The following ADPRHL1 variants were observed in gnomAD, a reference collection of about 807,000 sequenced individuals.
ADPRHL1 encodes the protein ADP-ribosylhydrolase like 1, also known as inactive ADP-ribosyltransferase ARH2.
Under a neutral mutation model 44.1 loss-of-function variants are expected in ADPRHL1, and 43 were observed. The observed-to-expected ratio is 0.98, with a 90% CI of 0.76 to 1.26. The LOEUF (loss-of-function observed/expected upper bound fraction) is 1.26, where lower values mean the gene tolerates loss of function less well. Among genes scored for constraint, ADPRHL1 ranks in the 50% most tolerant of loss-of-function variants. The probability of loss-of-function intolerance (pLI) is 0.00; values close to 1 mark genes in which losing one functional copy is unlikely to be tolerated. For missense variants in ADPRHL1, 2,022 were observed against 2,496.9 expected (o/e 0.81, Z 4.05); for synonymous variants, 878 against 1,017.4 (o/e 0.86, Z 2.61).
At position 113,409,950 on chromosome 13, in the gene ADPRHL1, T is replaced by C. The variant is rs1440360335; in HGVS notation, c.1062-1730A>G. 1 of 983,800 alleles carries C rather than the reference T, an allele frequency of 1.0e-6. No individual in the cohort carries two copies. The highest frequency in any genetic ancestry group is 1.2e-6 in the Non-Finnish European group (1 of 829,568). The allele number at this position is 983,800 out of a possible 1,614,324, so 60.9% of individuals were successfully genotyped here. A position where few individuals can be genotyped will look rare whatever the true frequency, so the allele number is the denominator to read the frequency against. ...GCTGAAAAGAGACCGGAAGGAAATG[T>C]GTGAACATACTTCTCTTTTTGTGTT... On this transcript the variant is annotated intron_variant, in intron 7 of 7. Transcript: ENST00000612156. This position sits in a 1 kb window ranked among gnomAD's most constrained non-coding sequence, Gnocchi z 4.2.
rs547944523 is a variant in ADPRHL1 at position 113,406,193 on chromosome 13, G to A, written c.3089C>T (p.Pro1030Leu). Residue 1030 changes from proline to leucine, a missense_variant, in exon 8 of 8, where the codon CCG (proline) becomes CTG (leucine). Pro to Leu is a moderately conservative substitution (Grantham distance 98). This residue lies in a region of ADPRHL1 where 1,221 missense variants were observed against 1,517.8 expected (regional missense o/e 0.80). Coordinates refer to ENST00000612156, the MANE Select transcript of ADPRHL1 (RefSeq NM_001394807.1). The stretch of plus-strand genomic sequence containing the variant: ...GGCTCCTGTTGGGTTTCTCCCAGTC[G>A]GGGACGGCACTTGCTGGCTGCTGGA... ...HASSSQQVPSPTGRNPTGAPT... is the reference protein window; with the variant it reads ...HASSSQQVPSLTGRNPTGAPT... The A allele has an allele frequency of 1.0e-4, 123 of 1,232,162 alleles. No homozygotes were observed. In the African/African-American group the frequency reaches 1.4e-3, roughly 14 times the overall value. 76.3% of individuals were successfully genotyped at this position (1,232,162 alleles called of 1,614,324 possible). A position where few individuals can be genotyped will look rare whatever the true frequency, so the allele number is the denominator to read the frequency against.
rs1474144883 is a variant in ADPRHL1, at chr13:113,444,487, C to A, written c.317G>T (p.Gly106Val). ...GTTATTGGGCTTTAGCTGAGCACAG[C>A]CTTCAATGGTAGCTGGGTCTGGCCG... is the stretch of plus-strand genomic sequence containing the variant. ...ERRPDPATIE[G>V]CAQLKPNNYL... The change falls in exon 2 of 8, where the codon GGC (glycine) becomes GTC (valine). Residue 106 changes from glycine to valine, a missense_variant. Physicochemically the swap from Gly to Val is moderately radical, Grantham distance 109 (BLOSUM62 -3). Coordinates refer to ENST00000612156, the MANE Select transcript of ADPRHL1 (RefSeq NM_001394807.1). 3.7e-6 allele frequency: 6 copies of A among 1,614,178 alleles called. No homozygotes were observed. Among genetic ancestry groups the A allele is most frequent in the Non-Finnish European group, 5.1e-6 (6 of 1,180,028 alleles).
chr13:113,407,197 A>C lies in ADPRHL1; in HGVS notation c.2085T>G (p.Ala695=). The change falls in exon 8 of 8, where the codon GCT becomes GCG. Residue 695 remains alanine, a synonymous_variant. Coordinates refer to ENST00000612156, the MANE Select transcript of ADPRHL1 (RefSeq NM_001394807.1). Reference sequence around the variant, plus strand: ...AGGGGACAGCGTGGCCGTCCCTCTGAGCCATCACCTGGGGTGTCACGGGCT... The same window carrying C: ...AGGGGACAGCGTGGCCGTCCCTCTGCGCCATCACCTGGGGTGTCACGGGCT... The part of the protein sequence containing the change: ...PSKPVTPQVM[A]QRDGHAVPSL... 8.1e-7 allele frequency: 1 copy of C among 1,232,198 alleles called. No homozygotes were observed. Among genetic ancestry groups the C allele is most frequent in the South Asian group, 4.1e-5 (1 of 24,326 alleles). The allele number at this position is 1,232,198 out of a possible 1,614,324, so 76.3% of individuals were successfully genotyped here. A position where few individuals can be genotyped will look rare whatever the true frequency, so the allele number is the denominator to read the frequency against.
intron 1 of ADPRHL1, among the ~76,000 whole-genome samples, chr13:113,452,538 G>A (rs1487588713): frequency 6.6e-6 from 1 of 152,196 alleles, no homozygotes; most frequent in East Asian, 1.9e-4. Flanking sequence ...CTGCATGTCT[G>A]TGCACCTGCC....
rs538898169 is a variant in ADPRHL1, at chr13:113,444,832, C to T, written c.215-243G>A. On this transcript the variant is annotated intron_variant, in intron 1 of 7. Transcript: ENST00000612156. The stretch of plus-strand genomic sequence containing the variant: ...TAGAGACGGGGTTTCACCATGTCGG[C>T]CAGGATGGTCTCGATCTCCTGACCT... 7.2e-3 allele frequency among the ~76,000 whole-genome samples: 1,102 copies of T among 152,222 alleles called. 6 individuals carry two copies. The highest frequency in any genetic ancestry group is 0.018 in the African/African-American group (742 of 41,528).
chr13:113,416,101 C>A (rs551085439), intron 7 of ADPRHL1, among the ~76,000 whole-genome samples: 4 of 151,488 alleles, frequency 2.6e-5, no homozygotes, highest in Non-Finnish European at 5.9e-5. Flanking sequence ...ATCATTGCAA[C>A]GGTCACCGTC....
rs71214119 is a variant in ADPRHL1 at position 113,415,750 on chromosome 13, C to CAAAAAAA, written c.1061+7069_1061+7075dup. Among the ~76,000 whole-genome samples the CAAAAAAA allele has an allele frequency of 5.6e-4, 35 of 63,020 alleles. 2 individuals are homozygous for CAAAAAAA. The highest frequency in any genetic ancestry group is 0.013 in the Middle Eastern group (1 of 76). 41.3% of individuals were successfully genotyped at this position (63,020 alleles called of 152,430 possible). On this transcript the variant is annotated intron_variant, in intron 7 of 7. Coordinates refer to ENST00000612156, the MANE Select transcript of ADPRHL1 (RefSeq NM_001394807.1). ...TGGGTGACAGAGTGAGACTCCATCT[C>CAAAAAAA]AAAAAAAAAAAAAAAAAAAAAGAGA...
At chr13:113,449,202 G>A (rs1041290265) in intron 1 of ADPRHL1, 8 of 1,028,940 alleles carry the variant, frequency 7.8e-6, no homozygotes, top group Non-Finnish European at 9.3e-6. Context: ...CACCCGGAAG[G>A]AGGCAGCCCC....
Position 113,405,416 on chromosome 13 carries a change from G to A in ADPRHL1, c.3866C>T (p.Ser1289Leu), listed in dbSNP as rs932643353. Reference protein sequence around the residue: ...SPSYGPGLPPSPPENPQAKGR... With the variant: ...SPSYGPGLPPLPPENPQAKGR... ...CTTTGCCTGTGGGTTCTCAGGAGGCGACGGCGGGAGGCCAGGGCCATAGCT... is the reference window on the plus strand; with the variant it reads ...CTTTGCCTGTGGGTTCTCAGGAGGCAACGGCGGGAGGCCAGGGCCATAGCT... Residue 1289 changes from serine to leucine, a missense_variant, in exon 8 of 8, where the codon TCG becomes TTG. Around this residue, in one of 8 missense-constraint regions of ADPRHL1, gnomAD observed 1,221 missense variants for 1,517.8 expected, o/e 0.80. Transcript: ENST00000612156. The A allele has an allele frequency of 1.5e-5, 18 of 1,231,834 alleles. No homozygotes were observed. The highest frequency in any genetic ancestry group is 8.2e-5 in the South Asian group (2 of 24,322). The allele number at this position is 1,231,834 out of a possible 1,614,324, so 76.3% of individuals were successfully genotyped here.
At chr13:113,414,679 G>GA (rs1555325875) in intron 7 of ADPRHL1, among the ~76,000 whole-genome samples, 2 of 138,902 alleles carry the variant, frequency 1.4e-5, no homozygotes, top group African/African-American at 5.3e-5. Flanking sequence ...TCTGTTTTCT[G>GA]TTTTTTTTTT....
chr13:113,403,490 G>C lies in ADPRHL1; in HGVS notation c.5792C>G (p.Ser1931Cys). ...EASEPERRGR[S>C]RHLAKYKAQS... is the part of the protein sequence containing the mutation. ...GGCTTTGTACTTGGCCAGGTGCCTG[G>C]ACCTCCCGCGACGCTCGGGCTCCGA... The change falls in exon 8 of 8, where the codon TCC (serine) becomes TGC (cysteine). Residue 1931 changes from serine (S) to cysteine (C), a missense_variant. By Grantham distance (112) the Ser-to-Cys change is moderately radical. Transcript: ENST00000612156. 8.1e-7 allele frequency: 1 copy of C among 1,232,016 alleles called. No homozygotes were observed. The allele number at this position is 1,232,016 out of a possible 1,614,324, so 76.3% of individuals were successfully genotyped here. A position where few individuals can be genotyped will look rare whatever the true frequency, so the allele number is the denominator to read the frequency against.
chr13:113,442,004 G>T (rs1426290284), intron 2 of ADPRHL1, among the ~76,000 whole-genome samples: 1 of 152,288 alleles, frequency 6.6e-6, no homozygotes, highest in Non-Finnish European at 1.5e-5. Flanking sequence ...TGTGGCGCGG[G>T]TCTCTGTTTG....
rs932908607 is a variant in ADPRHL1 at position 113,409,868 on chromosome 13, G to A, written c.1062-1648C>T. ...CGCACCACTGCACTCCAGCCTGAGC[G>A]ACAGAGCGAGACTCCGTCTCAAAAA... On this transcript the variant is annotated intron_variant, in intron 7 of 7. Coordinates refer to ENST00000612156, the MANE Select transcript of ADPRHL1 (RefSeq NM_001394807.1). The surrounding 1 kb of genome is among the most constrained non-coding windows in gnomAD (Gnocchi z 4.2). 1.1e-5 allele frequency: 10 copies of A among 923,652 alleles called. No individual in the cohort carries two copies. Among genetic ancestry groups the A allele is most frequent in the Admixed American group, 7.2e-5 (1 of 13,956 alleles). 57.2% of individuals were successfully genotyped at this position (923,652 alleles called of 1,614,324 possible).
intron 7 of ADPRHL1, among the ~76,000 whole-genome samples, chr13:113,412,123 G>C (rs1017632343): frequency 4.9e-4 from 74 of 152,216 alleles, no homozygotes; most frequent in African/African-American, 1.6e-3. Flanking sequence ...GGAGCCCCCA[G>C]CTCAGCGTGT....
Position 113,429,064 on chromosome 13 carries a change from C to T in ADPRHL1, c.534G>A (p.Leu178=). 2.5e-6 allele frequency: 4 copies of T among 1,612,226 alleles called. No individual in the cohort carries two copies. The highest frequency in any genetic ancestry group is 3.4e-6 in the Non-Finnish European group (4 of 1,179,786). Reference sequence around the variant, plus strand: ...TTCCTTGTGCGGCGAACGACACAAACAGGGCCGTGCACAGGGAGCCCAGGA... The same window carrying T: ...TTCCTTGTGCGGCGAACGACACAAATAGGGCCGTGCACAGGGAGCCCAGGA... The part of the protein sequence containing the change: ...TGFLGSLCTA[L]FVSFAAQGKP... The change falls in exon 4 of 8, where the codon CTG becomes CTA. Residue 178 remains leucine, a synonymous_variant. Transcript: ENST00000612156.
chr13:113,405,309 C>G lies in ADPRHL1; in HGVS notation c.3973G>C (p.Gly1325Arg), dbSNP rs2139592814. The change falls in exon 8 of 8, where the codon GGG (glycine) becomes CGG (arginine). Residue 1325 changes from glycine (G) to arginine (R), a missense_variant. Around this residue, in one of 8 missense-constraint regions of ADPRHL1, gnomAD observed 1,221 missense variants for 1,517.8 expected, o/e 0.80. Transcript: ENST00000612156. ...PAVPPAEVDMGWVGGTHQRGP... is the reference protein window; with the variant it reads ...PAVPPAEVDMRWVGGTHQRGP... ...CGCTGGTGGGTGCCACCTACCCACC[C>G]CATGTCCACCTCCGCGGGAGGCACT... 2 of 1,231,894 alleles carry G rather than the reference C, an allele frequency of 1.6e-6. No individual in the cohort carries two copies. Among genetic ancestry groups the G allele is most frequent in the African/African-American group, 3.1e-5 (2 of 64,540 alleles). The allele number at this position is 1,231,894 out of a possible 1,614,324, so 76.3% of individuals were successfully genotyped here.
intron 2 of ADPRHL1, among the ~76,000 whole-genome samples, chr13:113,437,311 G>A (rs1352464064): frequency 6.7e-6 from 1 of 149,786 alleles, no homozygotes; most frequent in African/African-American, 2.5e-5. Context: ...GAACACAGGT[G>A]TACCCCATGA....
chr13:113,449,319 G>A (rs112976909), intron 1 of ADPRHL1: 8 of 654,566 alleles, frequency 1.2e-5, no homozygotes, highest in African/African-American at 1.2e-4. Context: ...GCCCCGGTCA[G>A]AGAGGCTCAC....
chr13:113,406,848 G>T lies in ADPRHL1; in HGVS notation c.2434C>A (p.Pro812Thr). Residue 812 changes from proline (P) to threonine (T), a missense_variant, in exon 8 of 8, where the codon CCA becomes ACA. Pro to Thr is a conservative substitution (Grantham distance 38, BLOSUM62 -1). Coordinates refer to ENST00000612156, the MANE Select transcript of ADPRHL1 (RefSeq NM_001394807.1). ...DPLFATQKYFPEQKVPEHIPP... is the reference protein window; with the variant it reads ...DPLFATQKYFTEQKVPEHIPP... The stretch of plus-strand genomic sequence containing the variant: ...ATGTGCTCCGGCACCTTCTGTTCTG[G>T]GAAATACTTCTGGGTGGCAAAGAGG... The T allele has an allele frequency of 8.1e-7, 1 of 1,232,238 alleles. No homozygotes were observed. Among genetic ancestry groups the T allele is most frequent in the Non-Finnish European group, 1.0e-6 (1 of 988,168 alleles). 76.3% of individuals were successfully genotyped at this position (1,232,238 alleles called of 1,614,324 possible). A position where few individuals can be genotyped will look rare whatever the true frequency, so the allele number is the denominator to read the frequency against.
Sources: gnomAD v4.1 joint callset for allele counts (sites outside exome capture counted in the v4.1 genomes callset) on GRCh38, gnomAD v4.1.1 for gene constraint, gnomAD v4.1.1 regional missense constraint, Gnocchi (gnomAD v3.1) non-coding constraint, MANE v1.5 for transcripts, NCBI Gene and HGNC (gene_info 2026-07-23, HGNC 2026-07-21) for gene names.